RCHY1: variants seen among roughly 807,000 people sequenced by gnomAD.
The protein encoded by RCHY1 is RING finger and CHY zinc finger domain-containing protein 1.
A neutral mutation model predicts 41.6 loss-of-function variants in RCHY1; 21 were observed. The observed-to-expected ratio is 0.51, with a 90% CI of 0.36 to 0.73. The LOEUF is 0.73. Ranked by LOEUF, RCHY1 falls within the 30% of genes least tolerant of loss-of-function variation. RCHY1 has a pLI of 0.00. For missense variants in RCHY1, 265 were observed against 325.3 expected (o/e 0.81, Z 1.43); for synonymous variants, 79 against 102.9 (o/e 0.77, Z 1.41).
At chr4:75,488,265 T>C (rs1349626361) in intron 8 of RCHY1, among the ~76,000 whole-genome samples, 3 of 129,304 alleles carry the variant, frequency 2.3e-5, no homozygotes, top group African/African-American at 7.5e-5. Flanking sequence ...AATTTCCTTG[T>C]CAATCATGTC....
At chr4:75,508,773 G>T (rs774561166) in intron 3 of RCHY1, 47 bp downstream of exon 3, 1 of 1,041,420 alleles carries the variant, frequency 9.6e-7, no homozygotes. Flanking sequence ...AACTATTATT[G>T]CATATACATT....
Position 75,491,721 on chromosome 4 carries a change from T to C in RCHY1, c.509+3A>G, listed in dbSNP as rs369812068. 20 of 1,611,818 alleles carry C rather than the reference T, an allele frequency of 1.2e-5. No homozygotes were observed. The African/African-American group carries it at 2.5e-4, about 20-fold the overall frequency. On this transcript the variant is annotated splice_donor_region_variant and intron_variant, in intron 6 of 8. Transcript: ENST00000324439. ...CATCATTGAGAAAAAGATGTTACTT[T>C]ACCTATGTAAAAGATGTCCACATGG...
intron 3 of RCHY1, among the ~76,000 whole-genome samples, chr4:75,508,583 A>T (rs1349966951): frequency 6.6e-6 from 1 of 152,124 alleles, no homozygotes; most frequent in Non-Finnish European, 1.5e-5. Flanking sequence ...ACAATAATTG[A>T]TGGGTAAATT....
intron 2 of RCHY1, 31 bp from the exon 3 acceptor site, chr4:75,508,966 T>A (rs755249296): frequency 7.0e-7 from 1 of 1,435,930 alleles, no homozygotes; most frequent in Admixed American, 1.9e-5. Flanking sequence ...AAAACTGCAA[T>A]AAACTAAACA....
At chr4:75,500,496 T>C (rs1447491034) in intron 3 of RCHY1, among the ~76,000 whole-genome samples, 1 of 152,220 alleles carries the variant, frequency 6.6e-6, no homozygotes, top group Non-Finnish European at 1.5e-5. Context: ...TTGAGAAATA[T>C]AGCCACAGTC....
rs374417153 is a variant in RCHY1 at position 75,481,449 on chromosome 4, C to T, written c.*1089G>A. 3.9e-5 allele frequency: 6 copies of T among 152,136 alleles called. No homozygotes were observed. The East Asian group carries it at 7.7e-4, about 20-fold the overall frequency. The allele number at this position is 152,136 out of a possible 1,614,324, so 9.4% of individuals were successfully genotyped here. ...TCAAACATATTTGTTAACTTTGTTCCTGAAGTAAGAGGTATATTTAATTCC... is the reference window on the plus strand; with the variant it reads ...TCAAACATATTTGTTAACTTTGTTCTTGAAGTAAGAGGTATATTTAATTCC... On this transcript the variant is annotated 3_prime_UTR_variant, in exon 9 of 9. Coordinates refer to ENST00000324439, the MANE Select transcript of RCHY1 (RefSeq NM_015436.4).
At position 75,482,561 on chromosome 4, in the gene RCHY1, T is replaced by C. The variant is rs745995389; in HGVS notation, c.763A>G (p.Arg255Gly). 2 of 1,608,976 alleles carry C rather than the reference T, an allele frequency of 1.2e-6. No homozygotes were observed. Among genetic ancestry groups the C allele is most frequent in the Admixed American group, 1.7e-5 (1 of 59,426 alleles). The part of the protein sequence containing the change: ...SYNTAQAGGR[R>G]ISLDQQ ...CGTCATTGCTGATCCAGTGAAATTC[T>C]ACGTCCTCCAGCTTGAGCAGTATTA... The change falls in exon 9 of 9, where the codon AGA (arginine) becomes GGA (glycine). Residue 255 changes from arginine to glycine, a missense_variant. By Grantham distance (125) the Arg-to-Gly change is moderately radical. Transcript: ENST00000324439.
chr4:75,491,382 C>G (rs1722735710), intron 7 of RCHY1: 1 of 391,094 alleles, frequency 2.6e-6, no homozygotes, highest in African/African-American at 2.1e-5. Context: ...AGGTAACTAC[C>G]TCAAATTGTG....
chr4:75,511,378 A>C (rs1724860240), intron 1 of RCHY1, among the ~76,000 whole-genome samples: 1 of 152,214 alleles, frequency 6.6e-6, no homozygotes, highest in African/African-American at 2.4e-5. Flanking sequence ...CACTGGCAAC[A>C]AATACTGTCA....
chr4:75,504,914 A>C (rs781541293), intron 3 of RCHY1, among the ~76,000 whole-genome samples: 3 of 152,194 alleles, frequency 2.0e-5, no homozygotes, highest in Admixed American at 6.5e-5. Context: ...GCGATGACTA[A>C]TTTTTCTAGT....
chr4:75,489,510 G>A (rs995070235), intron 8 of RCHY1, among the ~76,000 whole-genome samples: 7 of 152,104 alleles, frequency 4.6e-5, no homozygotes, highest in African/African-American at 7.2e-5. Flanking sequence ...AATAGCATTA[G>A]GCAAAACTAA....
At chr4:75,493,601 T>C (rs529134109) in intron 4 of RCHY1, among the ~76,000 whole-genome samples, 38 of 151,986 alleles carry the variant, frequency 2.5e-4, no homozygotes, top group Admixed American at 6.6e-4. Context: ...TTACAGTAGA[T>C]AGAATCAGTA....
chr4:75,485,661 G>A (rs1451269460), intron 8 of RCHY1, among the ~76,000 whole-genome samples: 2 of 152,172 alleles, frequency 1.3e-5, no homozygotes, highest in Non-Finnish European at 2.9e-5. Context: ...TGGCCCTTTA[G>A]AAATGCATAT....
intron 3 of RCHY1, among the ~76,000 whole-genome samples, chr4:75,503,467 T>C (rs1018555446): frequency 2.0e-5 from 3 of 152,052 alleles, no homozygotes; most frequent in Admixed American, 6.6e-5. Flanking sequence ...GAGGCCAAGG[T>C]GGGCGGATCA....
chr4:75,508,716 T>C, intron 3 of RCHY1, 104 bp downstream of exon 3: 1 of 572,330 alleles, frequency 1.7e-6, no homozygotes, highest in Non-Finnish European at 3.0e-6. Context: ...TTAAAATGAA[T>C]GTATCTTATC....
chr4:75,491,992 A>G, intron 4 of RCHY1, 59 bp from the exon 5 acceptor site: 5 of 1,277,012 alleles, frequency 3.9e-6, no homozygotes, highest in Non-Finnish European at 4.3e-6. Flanking sequence ...TGTCAGGTAT[A>G]AAAATATTAA....
chr4:75,498,498 A>C (rs77963446), intron 3 of RCHY1, among the ~76,000 whole-genome samples: 3 of 151,764 alleles, frequency 2.0e-5, no homozygotes, highest in African/African-American at 7.2e-5. Flanking sequence ...AAAAAAAAAA[A>C]ACATAACTGG....
At chr4:75,502,263 A>C (rs1723845655) in intron 3 of RCHY1, among the ~76,000 whole-genome samples, 1 of 151,622 alleles carries the variant, frequency 6.6e-6, no homozygotes, top group Non-Finnish European at 1.5e-5. Flanking sequence ...AAAGAAGGCC[A>C]GCTGCGGTGG....
chr4:75,484,854 T>G (rs1721849284), intron 8 of RCHY1, among the ~76,000 whole-genome samples: 1 of 151,736 alleles, frequency 6.6e-6, no homozygotes, highest in South Asian at 2.1e-4. Context: ...ATGATGGCCA[T>G]AAGCTGTTAA....
Sources: gnomAD v4.1 joint callset for allele counts (sites outside exome capture counted in the v4.1 genomes callset) on GRCh38, gnomAD v4.1.1 for gene constraint, MANE v1.5 for transcripts, NCBI Gene and HGNC (gene_info 2026-07-23, HGNC 2026-07-21) for gene names.